FRAS1: variants seen among roughly 807,000 people sequenced by gnomAD.
FRAS1 encodes Fraser extracellular matrix complex subunit 1.
In FRAS1, 290 loss-of-function variants were observed where a neutral mutation model predicts 435.2. That is an observed-to-expected ratio of 0.67 (90% CI 0.61 to 0.73). The LOEUF (loss-of-function observed/expected upper bound fraction) is 0.73, where lower values mean the gene tolerates loss of function less well. Among genes scored for constraint, FRAS1 ranks in the 30% least tolerant of loss-of-function variants. FRAS1 has a pLI of 0.00. For synonymous variants in FRAS1, 1,800 were observed against 1,851.0 expected, an observed-to-expected ratio of 0.97 and a Z score of 0.71; for missense variants, 4,860 against 5,001.5, an observed-to-expected ratio of 0.97 and a Z score of 0.85.
rs764901587 is a variant in FRAS1, at chr4:78,464,509, G to A, written c.6955G>A (p.Gly2319Arg). Reference protein sequence around the residue: ...DDSLPVVQNLGMRVQEGMRKT... With the variant: ...DDSLPVVQNLRMRVQEGMRKT... Reference sequence around the variant, plus strand: ...TTCGCTGCCCGTCGTACAGAACTTAGGAATGCGGGTGCAGGAGGGCATGAG... The same window carrying A: ...TTCGCTGCCCGTCGTACAGAACTTAAGAATGCGGGTGCAGGAGGGCATGAG... Residue 2319 changes from glycine (G) to arginine (R), a missense_variant, in exon 49 of 74, where the codon GGA (glycine) becomes AGA (arginine). Physicochemically the swap from Gly to Arg is moderately radical, Grantham distance 125. Transcript: ENST00000512123. 4 of 1,613,850 alleles carry A rather than the reference G, an allele frequency of 2.5e-6. No individual in the cohort carries two copies. The highest frequency in any genetic ancestry group is 2.7e-5 in the African/African-American group (2 of 74,910).
chr4:78,458,626 A>G (rs1444954345), intron 47 of FRAS1, among the ~76,000 whole-genome samples: 4 of 152,188 alleles, frequency 2.6e-5, no homozygotes, highest in Non-Finnish European at 5.9e-5. Context: ...GACAGGATCA[A>G]CAGAAGCCCA....
intron 31 of FRAS1, among the ~76,000 whole-genome samples, chr4:78,408,906 G>A (rs570700061): frequency 1.3e-5 from 2 of 151,982 alleles, no homozygotes; most frequent in East Asian, 1.9e-4. Context: ...GGCAGATTGC[G>A]TCAGTCCAGG....
intron 2 of FRAS1, among the ~76,000 whole-genome samples, chr4:78,173,351 A>G (rs1454136159): frequency 6.6e-6 from 1 of 152,148 alleles, no homozygotes; most frequent in Non-Finnish European, 1.5e-5. Context: ...AAACATTGGG[A>G]TCTATCCTGA....
At chr4:78,468,330 A>G (rs1445158467) in intron 50 of FRAS1, among the ~76,000 whole-genome samples, 1 of 152,140 alleles carries the variant, frequency 6.6e-6, no homozygotes, top group Non-Finnish European at 1.5e-5. Flanking sequence ...CAGCCCTGTC[A>G]TGTACAAACT....
At position 78,430,348 on chromosome 4, in the gene FRAS1, C is replaced by T; in HGVS notation, c.4900C>T (p.Leu1634Phe). Residue 1634 changes from leucine (L) to phenylalanine (F), a missense_variant, in exon 37 of 74, where the codon CTT (leucine) becomes TTT (phenylalanine). By Grantham distance (22) the Leu-to-Phe change is conservative (BLOSUM62 0). Coordinates refer to ENST00000512123, the MANE Select transcript of FRAS1 (RefSeq NM_025074.7). ...AGCGCCCAAAGAACTCTTCTTTGAG[C>T]TTCGGAGACCTCCACAGCATGGTGT... is the stretch of plus-strand genomic sequence containing the variant. ...ETAPKELFFE[L>F]RRPPQHGVLL... The T allele has an allele frequency of 6.2e-7, 1 of 1,613,886 alleles. No homozygotes were observed. The highest frequency in any genetic ancestry group is 8.5e-7 in the Non-Finnish European group (1 of 1,179,862).
At chr4:78,065,089 C>A (rs1472391297) in intron 1 of FRAS1, among the ~76,000 whole-genome samples, 4 of 101,128 alleles carry the variant, frequency 4.0e-5, no homozygotes, top group Non-Finnish European at 7.9e-5. Context: ...TATATACATA[C>A]ACACACACAC....
In FRAS1 at chr4:78,219,713, A is replaced by C. The variant is rs574824469; in HGVS notation, c.109-17797A>C. On this transcript the variant is annotated intron_variant, in intron 2 of 73. Coordinates refer to ENST00000512123, the MANE Select transcript of FRAS1 (RefSeq NM_025074.7). ...GTTTACTTAAGATGTCAGGATAAGTAATTGCCTTGCTGCTACAAATTTGGA... is the reference window on the plus strand; with the variant it reads ...GTTTACTTAAGATGTCAGGATAAGTCATTGCCTTGCTGCTACAAATTTGGA... Among the ~76,000 whole-genome samples, 502 of 152,326 alleles carry C rather than the reference A, an allele frequency of 3.3e-3. 5 individuals carry two copies. The highest frequency in any genetic ancestry group is 0.011 in the African/African-American group (466 of 41,562).
intron 27 of FRAS1, among the ~76,000 whole-genome samples, chr4:78,383,009 A>G (rs1732079730): frequency 6.6e-6 from 1 of 152,192 alleles, no homozygotes; most frequent in Non-Finnish European, 1.5e-5. Context: ...TTTTAAAACA[A>G]TGGTCCCTCT....
chr4:78,436,354 T>A (rs964567012), intron 38 of FRAS1, among the ~76,000 whole-genome samples: 3 of 152,316 alleles, frequency 2.0e-5, no homozygotes, highest in East Asian at 1.9e-4. Context: ...CCACAGGATG[T>A]TCTTTACTTT....
chr4:78,482,998 C>T (rs903069530), intron 58 of FRAS1, among the ~76,000 whole-genome samples: 5 of 152,114 alleles, frequency 3.3e-5, no homozygotes, highest in Admixed American at 2.6e-4. Context: ...AAAGGAAAAC[C>T]TATTTCAAGT....
intron 32 of FRAS1, among the ~76,000 whole-genome samples, chr4:78,416,537 T>C (rs2110364698): frequency 6.6e-6 from 1 of 151,516 alleles, no homozygotes; most frequent in East Asian, 1.9e-4. Context: ...TCTGAGGATA[T>C]AGAGGTACCA....
intron 42 of FRAS1, chr4:78,446,516 T>C: frequency 7.4e-7 from 1 of 1,348,270 alleles, no homozygotes; most frequent in Non-Finnish European, 9.5e-7. Context: ...TTTTATGAAA[T>C]GTCCATCAGC....
chr4:78,526,783 A>G, intron 70 of FRAS1, 126 bp downstream of exon 70: 1 of 619,390 alleles, frequency 1.6e-6, no homozygotes, highest in Non-Finnish European at 2.8e-6. Flanking sequence ...TGACATGCAC[A>G]GCAGAGTCAC....
At chr4:78,371,406 G>A (rs1182628577) in intron 23 of FRAS1, among the ~76,000 whole-genome samples, 1 of 152,114 alleles carries the variant, frequency 6.6e-6, no homozygotes, top group African/African-American at 2.4e-5. Context: ...AGGTGAGATC[G>A]AGGGTGGCCC....
chr4:78,476,043 G>A (rs906874318), intron 54 of FRAS1, among the ~76,000 whole-genome samples: 7 of 152,326 alleles, frequency 4.6e-5, no homozygotes, highest in African/African-American at 1.4e-4. Flanking sequence ...AAGTTTGAGA[G>A]AAGCGGATGG....
intron 20 of FRAS1, among the ~76,000 whole-genome samples, chr4:78,361,460 G>A (rs1489794559): frequency 6.6e-6 from 1 of 152,196 alleles, no homozygotes; most frequent in East Asian, 1.9e-4. Flanking sequence ...AGAAAGGTTT[G>A]AGACTGTTAG....
Position 78,526,584 on chromosome 4 carries a change from A to G in FRAS1, c.10852A>G (p.Thr3618Ala), listed in dbSNP as rs192225415. Residue 3618 changes from threonine (T) to alanine (A), a missense_variant, in exon 70 of 74, where the codon ACA becomes GCA. Coordinates refer to ENST00000512123, the MANE Select transcript of FRAS1 (RefSeq NM_025074.7). Reference sequence around the variant, plus strand: ...GTACACCATCTACCTGATCCCTTGCACAGTGCAGCCCACACAGCCATGGGT... The same window carrying G: ...GTACACCATCTACCTGATCCCTTGCGCAGTGCAGCCCACACAGCCATGGGT... Reference protein sequence around the residue: ...GEYTIYLIPCTVQPTQPWVDP... With the variant: ...GEYTIYLIPCAVQPTQPWVDP... 2.2e-5 allele frequency: 36 copies of G among 1,602,952 alleles called. No homozygotes were observed. In the East Asian group the frequency reaches 5.9e-4, roughly 26 times the overall value.
At chr4:78,103,154 G>C (rs1024224882) in intron 2 of FRAS1, among the ~76,000 whole-genome samples, 1 of 152,194 alleles carries the variant, frequency 6.6e-6, no homozygotes, top group Admixed American at 6.5e-5. Context: ...ACCATGAAAG[G>C]ACTGGTATTT....
At chr4:78,124,435 T>C (rs943238145) in intron 2 of FRAS1, among the ~76,000 whole-genome samples, 2 of 152,198 alleles carry the variant, frequency 1.3e-5, no homozygotes, top group African/African-American at 4.8e-5. Flanking sequence ...TAAAATTCTC[T>C]TTTTTTGTTG....
Sources: gnomAD v4.1 joint callset for allele counts (sites outside exome capture counted in the v4.1 genomes callset) on GRCh38, gnomAD v4.1.1 for gene constraint, MANE v1.5 for transcripts, NCBI Gene and HGNC (gene_info 2026-07-23, HGNC 2026-07-21) for gene names.